Variants in SIK3 observed in about 807,000 individuals in gnomAD.
SIK3 encodes serine/threonine-protein kinase SIK3.
SIK3 carries 28 observed loss-of-function variants against 144.2 expected under a neutral mutation model. That is an observed-to-expected ratio of 0.19 (90% confidence interval 0.14 to 0.27). SIK3 has a LOEUF of 0.27. SIK3 is among the 10% of genes least tolerant of loss of function. SIK3 has a pLI of 1.00. For synonymous variants in SIK3, 686 were observed against 676.3 expected (o/e 1.01, Z -0.22); for missense variants, 1,319 against 1,776.0 (o/e 0.74, Z 4.62).
At chr11:116,968,880 T>C (rs1182907729) in intron 1 of SIK3, among the ~76,000 whole-genome samples, 1 of 152,244 alleles carries the variant, frequency 6.6e-6, no homozygotes, top group East Asian at 1.9e-4. Flanking sequence ...ACTATTATAC[T>C]ATTAGCCCCT....
chr11:116,974,913 A>C (rs1026385777), intron 1 of SIK3, among the ~76,000 whole-genome samples: 2 of 152,184 alleles, frequency 1.3e-5, no homozygotes, highest in Non-Finnish European at 2.9e-5. Context: ...AGCTAAGTGA[A>C]CTGTGGTAGC....
intron 4 of SIK3, among the ~76,000 whole-genome samples, chr11:116,918,677 G>A (rs1203441474): frequency 6.6e-6 from 1 of 152,112 alleles, no homozygotes; most frequent in Non-Finnish European, 1.5e-5. Context: ...AGCCTCAGGT[G>A]TTACACTTCA....
intron 1 of SIK3, among the ~76,000 whole-genome samples, chr11:117,085,024 C>CA (rs1954944543): frequency 1.3e-5 from 2 of 151,056 alleles, no homozygotes; most frequent in South Asian, 4.2e-4. Context: ...TTAATATTAA[C>CA]AAAAAACATT....
At chr11:116,901,559 A>G (rs1418489864) in intron 4 of SIK3, among the ~76,000 whole-genome samples, 9 of 152,194 alleles carry the variant, frequency 5.9e-5, no homozygotes, top group Non-Finnish European at 8.8e-5. Flanking sequence ...TCTTCTGTGA[A>G]GTCCTCCTGG....
chr11:117,050,250 T>C (rs989422023), intron 1 of SIK3, among the ~76,000 whole-genome samples: 7 of 147,098 alleles, frequency 4.8e-5, no homozygotes, highest in East Asian at 2.1e-4. Context: ...GATCGCGCCA[T>C]TGCACAACAG....
At chr11:116,896,711 G>A (rs752916228) in intron 5 of SIK3, among the ~76,000 whole-genome samples, 2 of 152,172 alleles carry the variant, frequency 1.3e-5, no homozygotes, top group Non-Finnish European at 2.9e-5. Flanking sequence ...CAGTCCACAA[G>A]GTAAGTATTG....
In SIK3 at chr11:116,850,364, G is replaced by A. The variant is rs538605233; in HGVS notation, c.3656-1081C>T. ...GACCACTTAACTGTTCCCCATCTAT[G>A]CACAATTCTATGCATTTGCCCTCAC... On this transcript the variant is annotated intron_variant, in intron 21 of 24. Coordinates refer to ENST00000445177, the MANE Select transcript of SIK3 (RefSeq NM_001366686.3). Among the ~76,000 whole-genome samples, 25 of 152,262 alleles carry A rather than the reference G, an allele frequency of 1.6e-4. 1 individual carries two copies. In the South Asian group the frequency reaches 2.3e-3, roughly 14 times the overall value.
intron 8 of SIK3, 52 bp from the exon 9 acceptor site, chr11:116,876,061 G>A: frequency 6.2e-7 from 1 of 1,605,894 alleles, no homozygotes. Flanking sequence ...ATGGCATGTT[G>A]ATGACCAGAA....
intron 3 of SIK3, among the ~76,000 whole-genome samples, chr11:116,935,234 C>T (rs1412970059): frequency 2.0e-5 from 3 of 151,862 alleles, no homozygotes; most frequent in Non-Finnish European, 4.4e-5. Context: ...GGCAACAGGG[C>T]AAGACCCTAT....
At chr11:116,870,280 C>T (rs1410969816) in intron 14 of SIK3, 51 bp downstream of exon 14, 1 of 1,610,938 alleles carries the variant, frequency 6.2e-7, no homozygotes, top group Admixed American at 1.7e-5. Context: ...TCGCTGGTTG[C>T]AGGGGAGCCT....
At chr11:116,889,757 C>T (rs868318511) in intron 6 of SIK3, among the ~76,000 whole-genome samples, 1 of 151,934 alleles carries the variant, frequency 6.6e-6, no homozygotes, top group Non-Finnish European at 1.5e-5. Context: ...ATTAGGTGGG[C>T]GTGGTGGCGT....
intron 1 of SIK3, among the ~76,000 whole-genome samples, chr11:117,023,614 AAAAAAAAATAT>A (rs1565567967): frequency 7.5e-5 from 8 of 106,806 alleles, no homozygotes; most frequent in African/African-American, 3.0e-4. Context: ...ACAAACAAAA[AAAAAAAAATAT>A]ATATATATAT....
intron 4 of SIK3, among the ~76,000 whole-genome samples, chr11:116,926,636 T>C (rs185544718): frequency 6.6e-6 from 1 of 152,346 alleles, no homozygotes; most frequent in East Asian, 1.9e-4. Context: ...TTATTTCTTA[T>C]GTAAAAAAGG....
chr11:116,898,314 C>T (rs74672054), intron 4 of SIK3, among the ~76,000 whole-genome samples: 5 of 152,154 alleles, frequency 3.3e-5, no homozygotes, highest in South Asian at 2.1e-4. Flanking sequence ...TCATCATTTT[C>T]TATGGCTGCA....
chr11:116,925,745 G>C (rs1947240479), intron 4 of SIK3, among the ~76,000 whole-genome samples: 1 of 152,144 alleles, frequency 6.6e-6, no homozygotes, highest in African/African-American at 2.4e-5. Context: ...AAATTGCCAG[G>C]CTTTTCCATG....
chr11:116,891,668 G>C (rs1451681676), intron 6 of SIK3, among the ~76,000 whole-genome samples: 1 of 152,128 alleles, frequency 6.6e-6, no homozygotes, highest in Non-Finnish European at 1.5e-5. Flanking sequence ...AAGTAAGAGA[G>C]AGAGAAAGAG....
chr11:116,976,806 C>T (rs1171314475), intron 1 of SIK3, among the ~76,000 whole-genome samples: 1 of 152,062 alleles, frequency 6.6e-6, no homozygotes, highest in Admixed American at 6.6e-5. Context: ...TAAAAAATGT[C>T]AGTAGACAAA....
chr11:117,054,690 T>G (rs775279859), intron 1 of SIK3, among the ~76,000 whole-genome samples: 1 of 152,174 alleles, frequency 6.6e-6, no homozygotes, highest in Non-Finnish European at 1.5e-5. Flanking sequence ...CCCAGCACTT[T>G]GGCAGAGGTG....
At chr11:116,991,584 A>G (rs766043667) in intron 1 of SIK3, among the ~76,000 whole-genome samples, 15 of 152,226 alleles carry the variant, frequency 9.9e-5, no homozygotes, top group Non-Finnish European at 2.9e-5. Flanking sequence ...GTCAAGAAGT[A>G]CAAATAATTC....
Sources: allele counts gnomAD v4.1 joint callset (sites outside exome capture counted in the v4.1 genomes callset), GRCh38; gene constraint gnomAD v4.1.1; transcripts MANE v1.5; gene names NCBI Gene and HGNC (gene_info 2026-07-23, HGNC 2026-07-21).